NTRK2: variants seen among roughly 807,000 people sequenced by gnomAD.
NTRK2 encodes neurotrophic receptor tyrosine kinase 2.
Under a neutral mutation model 94.5 loss-of-function variants are expected in NTRK2, and 13 were observed. The ratio of observed to expected loss-of-function variants is 0.14; its 90% CI spans 0.09 to 0.22. NTRK2 has a LOEUF of 0.22. Among genes scored for constraint, NTRK2 ranks in the 10% least tolerant of loss-of-function variants. NTRK2 has a pLI of 1.00. For missense variants in NTRK2, 639 were observed against 1,071.2 expected (o/e 0.60, Z 5.63); for synonymous variants, 372 against 407.4 (o/e 0.91, Z 1.05).
chr9:84,765,060 G>A (rs552207445), intron 12 of NTRK2, among the ~76,000 whole-genome samples: 1 of 152,324 alleles, frequency 6.6e-6, no homozygotes, highest in East Asian at 1.9e-4. Context: ...AGGCTGGGAA[G>A]GGTAGTGAGG....
chr9:84,698,390 T>G (rs987983460), intron 2 of NTRK2, among the ~76,000 whole-genome samples: 11 of 151,930 alleles, frequency 7.2e-5, no homozygotes, highest in Non-Finnish European at 1.2e-4. Flanking sequence ...ATCTAATATA[T>G]ATATATATAT....
intron 14 of NTRK2, among the ~76,000 whole-genome samples, chr9:84,912,774 C>T (rs1269899711): frequency 6.6e-6 from 1 of 151,964 alleles, no homozygotes; most frequent in Non-Finnish European, 1.5e-5. Context: ...CCCACCACCA[C>T]CCCCGGCTAA....
intron 14 of NTRK2, among the ~76,000 whole-genome samples, chr9:84,868,905 A>G (rs1374002686): frequency 6.6e-6 from 1 of 152,204 alleles, no homozygotes; most frequent in Non-Finnish European, 1.5e-5. Flanking sequence ...CATTTCAATT[A>G]GCCTGAGGCT....
At chr9:84,859,118 T>A (rs1433223802) in intron 12 of NTRK2, among the ~76,000 whole-genome samples, 1 of 152,240 alleles carries the variant, frequency 6.6e-6, no homozygotes, top group African/African-American at 2.4e-5. Context: ...ATTTGCTTTG[T>A]ATCTGCAATT....
At position 84,777,311 on chromosome 9, in the gene NTRK2, G is replaced by A. The variant is rs181954759; in HGVS notation, c.1396+25226G>A. On this transcript the variant is annotated intron_variant, in intron 12 of 18. Coordinates refer to ENST00000277120, the MANE Select transcript of NTRK2 (RefSeq NM_006180.6). ...CAGAGAACTCTGGAGAAACTCTAAC[G>A]GATGTTTACAAGATTGGAAAATAGT... Among the ~76,000 whole-genome samples, 168 of 152,238 alleles carry A rather than the reference G, an allele frequency of 1.1e-3. 2 individuals are homozygous for A. Among genetic ancestry groups the A allele is most frequent in the East Asian group, 9.7e-4 (5 of 5,172 alleles).
intron 14 of NTRK2, among the ~76,000 whole-genome samples, chr9:84,926,955 T>C (rs1385236943): frequency 6.6e-6 from 1 of 152,254 alleles, no homozygotes; most frequent in African/African-American, 2.4e-5. Context: ...ATCTCTGTTA[T>C]GAGTACTATT....
At position 84,813,536 on chromosome 9, in the gene NTRK2, C is replaced by G. The variant is rs201227436; in HGVS notation, c.1397-47504C>G. On this transcript the variant is annotated intron_variant, in intron 12 of 18. Transcript: ENST00000277120. The stretch of plus-strand genomic sequence containing the variant: ...GACATTGCCATTGAGGGCTTTGTTA[C>G]CACAAGCTAAGAAACTGAGTTTAAC... 12 of 1,065,190 alleles carry G rather than the reference C, an allele frequency of 1.1e-5. No homozygotes were observed. In the South Asian group the frequency reaches 4.5e-4, roughly 40 times the overall value. The allele number at this position is 1,065,190 out of a possible 1,614,324, so 66.0% of individuals were successfully genotyped here. A position where few individuals can be genotyped will look rare whatever the true frequency, so the allele number is the denominator to read the frequency against.
At chr9:84,978,096 TTAA>T (rs1201860431) in intron 17 of NTRK2, among the ~76,000 whole-genome samples, 1 of 152,142 alleles carries the variant, frequency 6.6e-6, no homozygotes, top group African/African-American at 2.4e-5. Flanking sequence ...ATTTGGACAA[TTAA>T]TAACCCTACA....
chr9:84,874,317 T>C (rs201714631), intron 14 of NTRK2: 2 of 1,065,250 alleles, frequency 1.9e-6, no homozygotes, highest in Admixed American at 5.3e-5. Flanking sequence ...GGAGTTTTTC[T>C]TGGATGTGAG....
intron 14 of NTRK2, among the ~76,000 whole-genome samples, chr9:84,871,297 A>C (rs964947138): frequency 6.6e-6 from 1 of 152,284 alleles, no homozygotes; most frequent in East Asian, 1.9e-4. Flanking sequence ...CCTGGTATTG[A>C]CAGATACTAT....
At chr9:84,791,318 A>G (rs1435547582) in intron 12 of NTRK2, among the ~76,000 whole-genome samples, 1 of 152,178 alleles carries the variant, frequency 6.6e-6, no homozygotes, top group Non-Finnish European at 1.5e-5. Flanking sequence ...AATTATATGT[A>G]TAATTGCAGG....
intron 12 of NTRK2, among the ~76,000 whole-genome samples, chr9:84,846,848 A>C (rs1166229895): frequency 6.6e-6 from 1 of 152,088 alleles, no homozygotes; most frequent in Non-Finnish European, 1.5e-5. Flanking sequence ...TACCCTCAAG[A>C]CTCGCATCGT....
At chr9:84,672,568 C>A (rs1467522727) in intron 2 of NTRK2, among the ~76,000 whole-genome samples, 2 of 152,112 alleles carry the variant, frequency 1.3e-5, no homozygotes, top group African/African-American at 2.4e-5. Context: ...ATGGGGAGTG[C>A]CTTCCACAGT....
chr9:85,027,027 G>A lies in NTRK2; in HGVS notation c.*5590G>A, dbSNP rs946067949. On this transcript the variant is annotated 3_prime_UTR_variant, in exon 19 of 19. Transcript: ENST00000277120. Reference sequence around the variant, plus strand: ...CTACAGTGTATTTAATAAAAATGATGTCTTACAATAAATAACATACTCCAA... The same window carrying A: ...CTACAGTGTATTTAATAAAAATGATATCTTACAATAAATAACATACTCCAA... 2 of 231,032 alleles carry A rather than the reference G, an allele frequency of 8.7e-6. No homozygotes were observed. Among genetic ancestry groups the A allele is most frequent in the African/African-American group, 2.2e-5 (1 of 45,202 alleles). 14.3% of individuals were successfully genotyped at this position (231,032 alleles called of 1,614,324 possible).
At chr9:84,739,047 A>G (rs1322503458) in intron 9 of NTRK2, among the ~76,000 whole-genome samples, 1 of 152,106 alleles carries the variant, frequency 6.6e-6, no homozygotes, top group East Asian at 1.9e-4. Context: ...ATTAAATTAA[A>G]TTAAATTATT....
intron 12 of NTRK2, among the ~76,000 whole-genome samples, chr9:84,775,531 C>T (rs2066947311): frequency 6.6e-6 from 1 of 152,136 alleles, no homozygotes; most frequent in African/African-American, 2.4e-5. Flanking sequence ...CGGGCTTCTC[C>T]TGCATATTTC....
intron 2 of NTRK2, among the ~76,000 whole-genome samples, chr9:84,672,087 G>A (rs1353311097): frequency 6.6e-6 from 1 of 152,172 alleles, no homozygotes; most frequent in Non-Finnish European, 1.5e-5. Flanking sequence ...TCCGGTTGTC[G>A]AGTGCGCATG....
chr9:84,847,925 C>T (rs1357556409), intron 12 of NTRK2, among the ~76,000 whole-genome samples: 2 of 152,126 alleles, frequency 1.3e-5, no homozygotes, highest in East Asian at 3.9e-4. Flanking sequence ...AAACAACAGA[C>T]ATTTATTTTC....
chr9:84,769,744 A>C (rs1360162604), intron 12 of NTRK2, among the ~76,000 whole-genome samples: 1 of 152,108 alleles, frequency 6.6e-6, no homozygotes, highest in Non-Finnish European at 1.5e-5. Flanking sequence ...TCAGCAGAAA[A>C]CCACAACAGT....
Sources: allele counts gnomAD v4.1 joint callset (sites outside exome capture counted in the v4.1 genomes callset), GRCh38; gene constraint gnomAD v4.1.1; transcripts MANE v1.5; gene names NCBI Gene and HGNC (gene_info 2026-07-23, HGNC 2026-07-21).